The following LMBR1 variants were observed in gnomAD, a reference collection of about 807,000 sequenced individuals.
LMBR1 encodes the protein limb development membrane protein 1.
LMBR1 carries 52 observed loss-of-function variants against 73.9 expected under a neutral mutation model. The observed-to-expected ratio is 0.70, with a 90% CI of 0.56 to 0.89. The LOEUF (loss-of-function observed/expected upper bound fraction) is 0.89, where lower values mean the gene tolerates loss of function less well. Ranked by LOEUF, LMBR1 falls within the 40% of genes least tolerant of loss-of-function variation. The pLI is 0.00. For synonymous variants in LMBR1, 215 were observed against 209.4 expected (o/e 1.03, Z -0.23); for missense variants, 539 against 579.8 (o/e 0.93, Z 0.72).
chr7:156,676,943 C>T (rs1804171027), downstream of LMBR1: 1 of 353,102 alleles, frequency 2.8e-6, no homozygotes, highest in East Asian at 5.7e-5. Context: ...TAAGATATAG[C>T]TAGTGTCTGA....
At chr7:156,817,813 T>C (rs1834161994) in intron 4 of LMBR1, among the ~76,000 whole-genome samples, 1 of 152,218 alleles carries the variant, frequency 6.6e-6, no homozygotes, top group Non-Finnish European at 1.5e-5. Context: ...TGTACTCTTT[T>C]TTCTTTTTAC....
At chr7:156,688,933 T>C (rs1410209841) in intron 15 of LMBR1, among the ~76,000 whole-genome samples, 1 of 152,192 alleles carries the variant, frequency 6.6e-6, no homozygotes, top group Non-Finnish European at 1.5e-5. Flanking sequence ...AATAAGGTAA[T>C]TTCCTTCCAT....
intron 1 of LMBR1, among the ~76,000 whole-genome samples, chr7:156,851,633 T>C (rs534065117): frequency 2.6e-5 from 4 of 152,218 alleles, no homozygotes; most frequent in African/African-American, 7.2e-5. Context: ...TAAGTCATGA[T>C]TGTAAGCCAA....
chr7:156,779,640 T>G, intron 5 of LMBR1: 1 of 1,235,006 alleles, frequency 8.1e-7, no homozygotes, highest in Admixed American at 2.4e-5. Context: ...GAAGTGAAAA[T>G]TACAATGTAC....
At chr7:156,820,032 G>A (rs1487221962) in intron 4 of LMBR1, among the ~76,000 whole-genome samples, 1 of 152,190 alleles carries the variant, frequency 6.6e-6, no homozygotes, top group Non-Finnish European at 1.5e-5. Flanking sequence ...CCACCGTCGA[G>A]GACTTGAAAG....
intron 4 of LMBR1, among the ~76,000 whole-genome samples, chr7:156,818,835 C>T (rs1468689616): frequency 2.0e-5 from 3 of 152,076 alleles, no homozygotes; most frequent in African/African-American, 4.8e-5. Flanking sequence ...TTTATTTTTT[C>T]GGTCCATTTT....
chr7:156,754,042 CTTAA>C (rs1380698999), intron 9 of LMBR1, among the ~76,000 whole-genome samples: 1 of 152,132 alleles, frequency 6.6e-6, no homozygotes, highest in Non-Finnish European at 1.5e-5. Flanking sequence ...ATATCTAGTG[CTTAA>C]TTAAGATCCG....
chr7:156,817,730 C>A (rs934386437), intron 4 of LMBR1, among the ~76,000 whole-genome samples: 19 of 152,098 alleles, frequency 1.2e-4, no homozygotes. Context: ...AAATGCATAT[C>A]ATAAAATCCT....
chr7:156,763,476 G>A (rs911082142), intron 6 of LMBR1, among the ~76,000 whole-genome samples, 193 bp downstream of exon 6: 1 of 151,472 alleles, frequency 6.6e-6, no homozygotes, highest in Non-Finnish European at 1.5e-5. Flanking sequence ...CTGCTTACTT[G>A]TTCTTCACAT....
intron 4 of LMBR1, among the ~76,000 whole-genome samples, chr7:156,811,862 C>T (rs889972797): frequency 2.6e-5 from 4 of 152,148 alleles, no homozygotes; most frequent in African/African-American, 7.2e-5. Flanking sequence ...AGCAGGACCA[C>T]GCTCCTTCCA....
intron 4 of LMBR1, among the ~76,000 whole-genome samples, chr7:156,812,351 G>C (rs1489104062): frequency 2.0e-5 from 3 of 152,170 alleles, no homozygotes; most frequent in Non-Finnish European, 2.9e-5. Context: ...AAGAGGGAGA[G>C]AGGGAGAGAA....
At chr7:156,739,104 T>C (rs564073282) in intron 9 of LMBR1, among the ~76,000 whole-genome samples, 5 of 151,526 alleles carry the variant, frequency 3.3e-5, no homozygotes, top group Admixed American at 2.0e-4. Context: ...CACTACCCTG[T>C]AGGGTGAGTC....
chr7:156,804,730 G>T (rs74675998), intron 4 of LMBR1, among the ~76,000 whole-genome samples: 4,841 of 151,286 alleles, frequency 0.032, 125 homozygotes, highest in South Asian at 0.085. Context: ...GTTCTTTATG[G>T]GCTCTGAATA....
chr7:156,682,125 T>C lies in LMBR1; in HGVS notation c.*1953A>G, dbSNP rs866956752. 1.3e-5 allele frequency: 2 copies of C among 152,312 alleles called. No individual in the cohort carries two copies. The highest frequency in any genetic ancestry group is 2.4e-5 in the African/African-American group (1 of 41,476). 9.4% of individuals were successfully genotyped at this position (152,312 alleles called of 1,614,324 possible). On this transcript the variant is annotated 3_prime_UTR_variant, in exon 17 of 17. Coordinates refer to ENST00000353442, the MANE Select transcript of LMBR1 (RefSeq NM_022458.4). ...GTGAGGATGCCTCCAGGAAGTGTAT[T>C]GTACTCAGGGCTTACAAATCCAAAA...
At chr7:156,714,550 G>GT (rs1457831876) in intron 15 of LMBR1, among the ~76,000 whole-genome samples, 2 of 152,218 alleles carry the variant, frequency 1.3e-5, no homozygotes, top group Non-Finnish European at 2.9e-5. Context: ...GGTATAGATC[G>GT]TATGTGTTAC....
rs140235602 is a variant in LMBR1, at chr7:156,837,374, T to C, written c.67-489A>G. Reference sequence around the variant, plus strand: ...AAAGTGTTAATAAAATATTAATTTATATGAACTAGTCAATTAGCCCCATTT... The same window carrying C: ...AAAGTGTTAATAAAATATTAATTTACATGAACTAGTCAATTAGCCCCATTT... On this transcript the variant is annotated intron_variant, in intron 1 of 16. Coordinates refer to ENST00000353442, the MANE Select transcript of LMBR1 (RefSeq NM_022458.4). 3.7e-4 allele frequency among the ~76,000 whole-genome samples: 56 copies of C among 149,696 alleles called. 1 individual carries two copies. The highest frequency in any genetic ancestry group is 3.5e-3 in the Admixed American group (53 of 15,012).
Position 156,684,046 on chromosome 7 carries a change from C to T in LMBR1, c.*32G>A, listed in dbSNP as rs1197984822. On this transcript the variant is annotated 3_prime_UTR_variant, in exon 17 of 17. Coordinates refer to ENST00000353442, the MANE Select transcript of LMBR1 (RefSeq NM_022458.4). ...TGTCGTGAATCTGGAGTTCTCGGGT[C>T]TCTTGGTGGCAGAAGACGCCGTCTG... 3.9e-6 allele frequency: 6 copies of T among 1,550,734 alleles called. No homozygotes were observed. In the East Asian group the frequency reaches 6.7e-5, roughly 17 times the overall value.
downstream of LMBR1, chr7:156,675,635 G>A (rs1214038439): frequency 1.2e-5 from 17 of 1,449,490 alleles, no homozygotes; most frequent in Middle Eastern, 3.5e-4. Context: ...GCTCGAGAGC[G>A]CTTCCCTGCA....
chr7:156,677,842 C>T lies in LMBR1; in HGVS notation c.*6236G>A, dbSNP rs1241650198. ...AATTTGCAGACTAATTTGGAGAATG[C>T]TTTAAACAATGAGTAAGCACTTTTA... is the stretch of plus-strand genomic sequence containing the variant. On this transcript the variant is annotated 3_prime_UTR_variant, in exon 17 of 17. Transcript: ENST00000353442. The T allele has an allele frequency of 6.6e-6, 1 of 152,148 alleles. No homozygotes were observed. The highest frequency in any genetic ancestry group is 1.9e-4 in the East Asian group (1 of 5,196). The allele number at this position is 152,148 out of a possible 1,614,324, so 9.4% of individuals were successfully genotyped here. A position where few individuals can be genotyped will look rare whatever the true frequency, so the allele number is the denominator to read the frequency against.
Sources: gnomAD v4.1 joint callset for allele counts (sites outside exome capture counted in the v4.1 genomes callset) on GRCh38, gnomAD v4.1.1 for gene constraint, MANE v1.5 for transcripts, NCBI Gene and HGNC (gene_info 2026-07-23, HGNC 2026-07-21) for gene names.